The following ARHGAP24 variants were observed in gnomAD, a reference collection of about 807,000 sequenced individuals.
The protein encoded by ARHGAP24 is Rho GTPase activating protein 24.
Under a neutral mutation model 76.4 loss-of-function variants are expected in ARHGAP24, and 50 were observed. The ratio of observed to expected loss-of-function variants is 0.65; its 90% CI spans 0.52 to 0.83. The LOEUF (loss-of-function observed/expected upper bound fraction) is 0.83. Among genes scored for constraint, ARHGAP24 ranks in the 40% least tolerant of loss-of-function variants. The probability of loss-of-function intolerance (pLI) is 0.00; values close to 1 mark genes in which losing one functional copy is unlikely to be tolerated. For missense variants in ARHGAP24, 930 were observed against 914.2 expected, an observed-to-expected ratio of 1.02 and a Z score of -0.22; for synonymous variants, 345 against 323.3, an observed-to-expected ratio of 1.07 and a Z score of -0.72.
chr4:85,976,624 G>T (rs1243094013), intron 7 of ARHGAP24, among the ~76,000 whole-genome samples: 4 of 152,156 alleles, frequency 2.6e-5, no homozygotes, highest in Non-Finnish European at 4.4e-5. Flanking sequence ...TGAAGAGGAG[G>T]TAGGGAATGA....
chr4:85,734,636 ATTTTTTTTTTTTT>A (rs34647342), intron 3 of ARHGAP24, among the ~76,000 whole-genome samples: 3 of 101,958 alleles, frequency 2.9e-5, no homozygotes, highest in African/African-American at 1.1e-4. Flanking sequence ...AATTCAGGGA[ATTTTTTTTTTTTT>A]TTTTTTTTTT....
chr4:85,523,713 A>C (rs189019929), intron 1 of ARHGAP24, among the ~76,000 whole-genome samples: 3 of 152,188 alleles, frequency 2.0e-5, no homozygotes, highest in Non-Finnish European at 4.4e-5. Flanking sequence ...CATATCACCT[A>C]TAATATGTAA....
At position 85,516,964 on chromosome 4, in the gene ARHGAP24, T is replaced by C. The variant is rs574405807; in HGVS notation, c.-21+41405T>C. Among the ~76,000 whole-genome samples the C allele has an allele frequency of 1.1e-3, 163 of 152,310 alleles. 1 individual carries two copies. The highest frequency in any genetic ancestry group is 1.6e-3 in the Non-Finnish European group (108 of 68,034). ...TTACTCTGGTATGTAGTGTGAGATA[T>C]GGATCCACTTTTATGTTTTTCCTAA... On this transcript the variant is annotated intron_variant, in intron 1 of 9. Coordinates refer to ENST00000395184, the MANE Select transcript of ARHGAP24 (RefSeq NM_001025616.3).
At chr4:85,570,184 G>A (rs890990067) in intron 1 of ARHGAP24, among the ~76,000 whole-genome samples, 122 of 152,082 alleles carry the variant, frequency 8.0e-4, no homozygotes, top group African/African-American at 2.8e-3. Context: ...TTTCCTCTGG[G>A]CATATTGTTG....
intron 3 of ARHGAP24, among the ~76,000 whole-genome samples, chr4:85,757,961 TG>T (rs1283162449): frequency 1.3e-5 from 2 of 152,176 alleles, no homozygotes; most frequent in African/African-American, 2.4e-5. Context: ...ATTTCTCTGA[TG>T]GCCAGTGATG....
At chr4:85,730,406 GTTTT>G (rs1354909194) in intron 3 of ARHGAP24, among the ~76,000 whole-genome samples, 1 of 150,602 alleles carries the variant, frequency 6.6e-6, no homozygotes, top group Non-Finnish European at 1.5e-5. Context: ...TACATTAGCT[GTTTT>G]TTGTTTTGTT....
intron 2 of ARHGAP24, among the ~76,000 whole-genome samples, chr4:85,682,384 T>C (rs1238587830): frequency 2.0e-5 from 3 of 152,240 alleles, no homozygotes; most frequent in African/African-American, 7.2e-5. Flanking sequence ...GTGGTTTGTG[T>C]TGTTTCAGAC....
At chr4:85,611,754 A>T (rs73833368) in intron 2 of ARHGAP24, among the ~76,000 whole-genome samples, 3,517 of 152,262 alleles carry the variant, frequency 0.023, 134 homozygotes, top group African/African-American at 0.08. Flanking sequence ...TCTATGGCAA[A>T]TGTCTGATGA....
At chr4:85,867,750 T>C (rs982886824) in intron 3 of ARHGAP24, among the ~76,000 whole-genome samples, 3 of 151,166 alleles carry the variant, frequency 2.0e-5, no homozygotes, top group Non-Finnish European at 4.4e-5. Context: ...AAAAATTCCA[T>C]ATTTAATTCC....
At chr4:85,699,277 C>T (rs1723980414) in intron 2 of ARHGAP24, among the ~76,000 whole-genome samples, 1 of 152,144 alleles carries the variant, frequency 6.6e-6, no homozygotes, top group African/African-American at 2.4e-5. Flanking sequence ...AGAAGGAAAT[C>T]AAACTGATGA....
Position 85,561,742 on chromosome 4 carries a change from G to A in ARHGAP24, c.-20-8780G>A, listed in dbSNP as rs140899668. 7.2e-5 allele frequency among the ~76,000 whole-genome samples: 11 copies of A among 152,114 alleles called. No individual in the cohort carries two copies. In the East Asian group the frequency reaches 9.7e-4, roughly 13 times the overall value. The stretch of plus-strand genomic sequence containing the variant: ...TGCCTTAGGAGGTGTTCATGCATTC[G>A]ACACGTAACTGTGTATTTAATGGCC... On this transcript the variant is annotated intron_variant, in intron 1 of 9. Transcript: ENST00000395184.
chr4:85,922,115 A>C (rs889072351), intron 3 of ARHGAP24, among the ~76,000 whole-genome samples: 3 of 152,174 alleles, frequency 2.0e-5, no homozygotes, highest in Non-Finnish European at 2.9e-5. Flanking sequence ...ATGGAAACCT[A>C]TTTGATATAG....
intron 3 of ARHGAP24, among the ~76,000 whole-genome samples, chr4:85,846,394 T>A (rs564777734): frequency 1.3e-4 from 20 of 152,316 alleles, no homozygotes; most frequent in African/African-American, 3.6e-4. Context: ...CAGGGTTTTT[T>A]TTATTATTAT....
chr4:85,563,778 A>T (rs10516750), intron 1 of ARHGAP24, among the ~76,000 whole-genome samples: 15,181 of 152,256 alleles, frequency 0.1, 1,083 homozygotes, highest in African/African-American at 0.2. Context: ...ATTTGGTAGG[A>T]TTCAACTTTC....
At chr4:85,475,915 C>T (rs1032100054) in intron 1 of ARHGAP24, among the ~76,000 whole-genome samples, 6 of 151,834 alleles carry the variant, frequency 4.0e-5, no homozygotes, top group African/African-American at 1.5e-4. Flanking sequence ...GGTATCCATC[C>T]TCCCCTTCCC....
chr4:85,610,736 A>G (rs1720354957), intron 2 of ARHGAP24, among the ~76,000 whole-genome samples: 1 of 152,114 alleles, frequency 6.6e-6, no homozygotes, highest in Non-Finnish European at 1.5e-5. Flanking sequence ...GTAACTCACA[A>G]AGTTTCCATT....
At chr4:85,795,753 A>G (rs1026675506) in intron 3 of ARHGAP24, among the ~76,000 whole-genome samples, 2 of 152,184 alleles carry the variant, frequency 1.3e-5, no homozygotes, top group African/African-American at 2.4e-5. Flanking sequence ...AAATTAAGCT[A>G]AGAGCAAACA....
chr4:85,893,787 A>T (rs1161882015), intron 3 of ARHGAP24, among the ~76,000 whole-genome samples: 1 of 151,688 alleles, frequency 6.6e-6, no homozygotes, highest in Non-Finnish European at 1.5e-5. Context: ...TCTCGGGTTC[A>T]TGTCCTTTGT....
At chr4:85,667,825 T>C (rs527392619) in intron 2 of ARHGAP24, among the ~76,000 whole-genome samples, 8 of 152,344 alleles carry the variant, frequency 5.3e-5, no homozygotes, top group African/African-American at 1.9e-4. Flanking sequence ...CCCACCGACT[T>C]GTCTGATTCT....
Sources: gnomAD v4.1 joint callset for allele counts (sites outside exome capture counted in the v4.1 genomes callset) on GRCh38, gnomAD v4.1.1 for gene constraint, MANE v1.5 for transcripts, NCBI Gene and HGNC (gene_info 2026-07-23, HGNC 2026-07-21) for gene names.